Variants in EGF observed in about 807,000 individuals in gnomAD.
EGF encodes the protein pro-epidermal growth factor.
Under a neutral mutation model 143.8 loss-of-function variants are expected in EGF, and 95 were observed. The ratio of observed to expected loss-of-function variants is 0.66; its 90% CI spans 0.56 to 0.78. The LOEUF (loss-of-function observed/expected upper bound fraction) is 0.78. Among genes scored for constraint, EGF ranks in the 30% least tolerant of loss-of-function variants. The pLI, the probability that EGF is intolerant of heterozygous loss-of-function variation, is 0.00. For synonymous variants in EGF, 510 were observed against 510.5 expected, an observed-to-expected ratio of 1.00 and a Z score of 0.01; for missense variants, 1,320 against 1,470.9, an observed-to-expected ratio of 0.90 and a Z score of 1.68.
At chr4:109,957,852 C>T (rs1330063163) in intron 5 of EGF, among the ~76,000 whole-genome samples, 1 of 152,240 alleles carries the variant, frequency 6.6e-6, no homozygotes, top group African/African-American at 2.4e-5. Context: ...TTGGCCTTCA[C>T]CTCTTGCCAG....
chr4:109,937,737 G>A (rs1449998183), intron 1 of EGF, among the ~76,000 whole-genome samples: 2 of 152,098 alleles, frequency 1.3e-5, no homozygotes, highest in East Asian at 1.9e-4. Flanking sequence ...GCATTTGCTT[G>A]TCTTTAAAGG....
intron 1 of EGF, among the ~76,000 whole-genome samples, chr4:109,938,052 G>A (rs1252037844): frequency 1.3e-5 from 2 of 152,166 alleles, no homozygotes; most frequent in Non-Finnish European, 2.9e-5. Flanking sequence ...GAATTTGAAT[G>A]TTGGCCTGCC....
intron 1 of EGF, among the ~76,000 whole-genome samples, chr4:109,929,498 A>G (rs1012340255): frequency 6.6e-5 from 10 of 152,188 alleles, no homozygotes; most frequent in Non-Finnish European, 1.5e-4. Context: ...AAGACTGAGA[A>G]GTCCTGTTGA....
chr4:109,952,596 A>G (rs60612011), intron 5 of EGF, among the ~76,000 whole-genome samples: 1,557 of 152,346 alleles, frequency 0.01, 26 homozygotes, highest in African/African-American at 0.035. Context: ...ATAAATATTT[A>G]GTTCATATAA....
chr4:110,004,219 C>CACAG (rs1560770805), intron 21 of EGF: 55 of 304,974 alleles, frequency 1.8e-4, no homozygotes, highest in Middle Eastern at 2.0e-3. Flanking sequence ...CATACATACA[C>CACAG]ACACACACAC....
At chr4:109,983,054 G>C (rs1319316850) in intron 15 of EGF, among the ~76,000 whole-genome samples, 1 of 152,180 alleles carries the variant, frequency 6.6e-6, no homozygotes. Context: ...CATGTGTATG[G>C]AAGACAAGTT....
intron 1 of EGF, among the ~76,000 whole-genome samples, chr4:109,935,752 G>A (rs1403577479): frequency 6.6e-6 from 1 of 152,090 alleles, no homozygotes; most frequent in Admixed American, 6.6e-5. Flanking sequence ...TTTTTAGCAT[G>A]TAAGGGTGTT....
At chr4:109,933,727 C>T (rs1352658855) in intron 1 of EGF, among the ~76,000 whole-genome samples, 1 of 152,168 alleles carries the variant, frequency 6.6e-6, no homozygotes, top group Non-Finnish European at 1.5e-5. Context: ...CCAGCTTCAA[C>T]CATGTCCCTG....
intron 17 of EGF, 74 bp downstream of exon 17, chr4:109,987,934 A>G (rs77333019): frequency 4.9e-5 from 57 of 1,166,924 alleles, no homozygotes; most frequent in Admixed American, 1.7e-5. Context: ...TTTCTGACTC[A>G]AAAACTCCAG....
chr4:109,975,983 T>G, intron 12 of EGF, 29 bp from the exon 13 acceptor site: 2 of 1,583,826 alleles, frequency 1.3e-6, no homozygotes, highest in Non-Finnish European at 1.7e-6. Flanking sequence ...CATGCAGATA[T>G]TATTTGTTGT....
intron 1 of EGF, among the ~76,000 whole-genome samples, chr4:109,930,980 G>T (rs1739582198): frequency 1.3e-5 from 2 of 151,656 alleles, no homozygotes; most frequent in African/African-American, 4.8e-5. Flanking sequence ...CCCTAGAAAT[G>T]ATGTTTCATT....
chr4:109,970,562 T>G (rs1387173233), intron 11 of EGF, among the ~76,000 whole-genome samples: 1 of 152,116 alleles, frequency 6.6e-6, no homozygotes, highest in Non-Finnish European at 1.5e-5. Flanking sequence ...AAACAGGTTT[T>G]TAAAAATCTG....
At chr4:109,959,159 T>C (rs780184000) in intron 5 of EGF, 153 bp from the exon 6 acceptor site, 4 of 1,217,534 alleles carry the variant, frequency 3.3e-6, no homozygotes, top group Non-Finnish European at 4.6e-6. Context: ...TTCGGGATGC[T>C]GGGGAATCTG....
chr4:109,933,424 CT>C (rs11301315), intron 1 of EGF, among the ~76,000 whole-genome samples: 44,561 of 143,514 alleles, frequency 0.31, 6,781 homozygotes, highest in Middle Eastern at 0.41. Flanking sequence ...TCTTTTTTTT[CT>C]TTTTTTTTTT....
chr4:109,961,717 G>T (rs1745726078), intron 7 of EGF, 146 bp from the exon 8 acceptor site: 1 of 933,084 alleles, frequency 1.1e-6, no homozygotes, highest in Non-Finnish European at 1.7e-6. Flanking sequence ...AAAAAATTAA[G>T]GCTAGGCACA....
intron 10 of EGF, among the ~76,000 whole-genome samples, chr4:109,967,500 G>C (rs1007708368): frequency 1.3e-5 from 2 of 152,016 alleles, no homozygotes; most frequent in Non-Finnish European, 2.9e-5. Context: ...TTTTTGCTTA[G>C]TATCGTCTGT....
chr4:109,923,097 CATTA>C (rs1738070619), intron 1 of EGF, among the ~76,000 whole-genome samples: 1 of 151,338 alleles, frequency 6.6e-6, no homozygotes, highest in South Asian at 2.1e-4. Context: ...CAAAACTCCC[CATTA>C]ATTATTTTTT....
At chr4:109,937,187 A>G (rs1740977987) in intron 1 of EGF, among the ~76,000 whole-genome samples, 1 of 152,034 alleles carries the variant, frequency 6.6e-6, no homozygotes, top group Non-Finnish European at 1.5e-5. Context: ...GTAGGTCTCT[A>G]AGAACTTGCT....
rs1428252461 is a variant in EGF at position 109,979,953 on chromosome 4, A to C, written c.2054-19A>C. The C allele has an allele frequency of 1.9e-6, 3 of 1,613,804 alleles. No homozygotes were observed. In the Admixed American group the frequency reaches 5.0e-5, roughly 27 times the overall value. On this transcript the variant is annotated intron_variant, in intron 13 of 23. Transcript: ENST00000265171. ...CAAAGACAAAGAAGGTGTATTTAAC[A>C]AACTTGAATTGTTTCCAGGTCACCC...
Sources: allele counts gnomAD v4.1 joint callset (sites outside exome capture counted in the v4.1 genomes callset), GRCh38; gene constraint gnomAD v4.1.1; transcripts MANE v1.5; gene names NCBI Gene and HGNC (gene_info 2026-07-23, HGNC 2026-07-21).